SPAG6: variants seen among roughly 807,000 people sequenced by gnomAD.
The protein encoded by SPAG6 is sperm-associated antigen 6.
In SPAG6, 49 loss-of-function variants were observed where a neutral mutation model predicts 58.5. That is an observed-to-expected ratio of 0.84 (90% CI 0.67 to 1.06). SPAG6 has a LOEUF of 1.06. Among genes scored for constraint, SPAG6 ranks in the 50% least tolerant of loss-of-function variants. The pLI is 0.00. For missense variants in SPAG6, 560 were observed against 611.3 expected, an observed-to-expected ratio of 0.92 and a Z score of 0.89; for synonymous variants, 233 against 225.6, an observed-to-expected ratio of 1.03 and a Z score of -0.29.
At chr10:22,379,370 A>G (rs1833898843) in intron 4 of SPAG6, among the ~76,000 whole-genome samples, 1 of 152,220 alleles carries the variant, frequency 6.6e-6, no homozygotes, top group Non-Finnish European at 1.5e-5. Flanking sequence ...AATGCACTAT[A>G]GCAGAGGCAA....
Position 22,411,127 on chromosome 10 carries a change from C to G in SPAG6, c.1411C>G (p.Gln471Glu). The G allele has an allele frequency of 6.2e-7, 1 of 1,613,906 alleles. No homozygotes were observed. Among genetic ancestry groups the G allele is most frequent in the Non-Finnish European group, 8.5e-7 (1 of 1,179,862 alleles). The change falls in exon 10 of 11, where the codon CAA becomes GAA. Residue 471 changes from glutamine to glutamate, a missense_variant. Gln to Glu is a conservative substitution (Grantham distance 29). Transcript: ENST00000376624. The part of the protein sequence containing the change: ...EIKAEPGSLL[Q>E]EYINSINSCY... ...AAAAGCAGAACCTGGTTCTCTCCTT[C>G]AAGAATACATCAACAGTATTAACAG...
At chr10:22,402,130 T>C (rs1834428759) in intron 9 of SPAG6, among the ~76,000 whole-genome samples, 1 of 152,180 alleles carries the variant, frequency 6.6e-6, no homozygotes, top group African/African-American at 2.4e-5. Flanking sequence ...AGTACTTATT[T>C]CATAGGGTCA....
At chr10:22,407,372 T>G (rs1386593531) in intron 9 of SPAG6, among the ~76,000 whole-genome samples, 2,609 of 150,868 alleles carry the variant, frequency 0.017, 56 homozygotes, top group African/African-American at 0.06. Flanking sequence ...GTCTGTAAAG[T>G]ATTTTATTTC....
chr10:22,407,607 T>C (rs1834592722), intron 9 of SPAG6, among the ~76,000 whole-genome samples: 1 of 152,026 alleles, frequency 6.6e-6, no homozygotes, highest in African/African-American at 2.4e-5. Context: ...AATCTGACAA[T>C]TATGTGTCTT....
At chr10:22,413,360 C>G (rs1440133726) in intron 10 of SPAG6, among the ~76,000 whole-genome samples, 1 of 151,776 alleles carries the variant, frequency 6.6e-6, no homozygotes, top group East Asian at 1.9e-4. Flanking sequence ...GGTGAAACCC[C>G]GTCTCTACTA....
chr10:22,399,516 A>G (rs1266106161), intron 8 of SPAG6, among the ~76,000 whole-genome samples: 2 of 152,208 alleles, frequency 1.3e-5, no homozygotes, highest in African/African-American at 2.4e-5. Flanking sequence ...TGTCAAATAG[A>G]CATGCAAAGA....
At chr10:22,405,804 A>T (rs922076269) in intron 9 of SPAG6, among the ~76,000 whole-genome samples, 3 of 152,330 alleles carry the variant, frequency 2.0e-5, no homozygotes, top group Admixed American at 1.3e-4. Context: ...GATTATTGCC[A>T]CAATTTCAGA....
At chr10:22,395,745 A>T (rs549739881) in intron 8 of SPAG6, among the ~76,000 whole-genome samples, 2 of 152,206 alleles carry the variant, frequency 1.3e-5, no homozygotes, top group Admixed American at 1.3e-4. Context: ...TCAATTGCAT[A>T]TGCTTTTTGT....
chr10:22,374,805 CT>C (rs1179980250), intron 4 of SPAG6, among the ~76,000 whole-genome samples: 1 of 151,808 alleles, frequency 6.6e-6, no homozygotes, highest in South Asian at 2.1e-4. Context: ...TTTGAGTTAC[CT>C]TTTTTGTACA....
intron 9 of SPAG6, among the ~76,000 whole-genome samples, chr10:22,405,878 G>A (rs1233502167): frequency 6.6e-6 from 1 of 152,216 alleles, no homozygotes; most frequent in Admixed American, 6.5e-5. Flanking sequence ...GAGTGTATGT[G>A]TCGAGGAATT....
intron 4 of SPAG6, among the ~76,000 whole-genome samples, chr10:22,386,500 T>C (rs1226325329): frequency 1.3e-5 from 2 of 151,684 alleles, no homozygotes; most frequent in East Asian, 3.9e-4. Flanking sequence ...AAAAAAAGAA[T>C]AACAAGCCAT....
In SPAG6 at chr10:22,345,707, A is replaced by C; in HGVS notation, c.26-16A>C. Reference sequence around the variant, plus strand: ...GACCCGGGTGCGGTGGGCTCCACCGACTCTCTCTCCCGCAGTGTTCGAGCA... The same window carrying C: ...GACCCGGGTGCGGTGGGCTCCACCGCCTCTCTCTCCCGCAGTGTTCGAGCA... On this transcript the variant is annotated splice_polypyrimidine_tract_variant and intron_variant, in intron 1 of 10. Coordinates refer to ENST00000376624, the MANE Select transcript of SPAG6 (RefSeq NM_012443.4). This position sits in a 1 kb window ranked among gnomAD's most constrained non-coding sequence, Gnocchi z 6.3. The C allele has an allele frequency of 1.2e-6, 2 of 1,606,070 alleles. No individual in the cohort carries two copies. Among genetic ancestry groups the C allele is most frequent in the Non-Finnish European group, 1.7e-6 (2 of 1,176,672 alleles).
intron 2 of SPAG6, among the ~76,000 whole-genome samples, chr10:22,353,356 T>G (rs1371441476): frequency 6.6e-6 from 1 of 152,248 alleles, no homozygotes; most frequent in Non-Finnish European, 1.5e-5. Context: ...TAATTCAACA[T>G]TGGCAGCTCT....
chr10:22,406,604 T>C (rs1448110740), intron 9 of SPAG6, among the ~76,000 whole-genome samples: 2 of 152,086 alleles, frequency 1.3e-5, no homozygotes, highest in Non-Finnish European at 2.9e-5. Flanking sequence ...CTGAAAAAAA[T>C]GTATATTCTG....
At chr10:22,360,803 T>A (rs1321380721) in intron 2 of SPAG6, 1 of 1,534,258 alleles carries the variant, frequency 6.5e-7, no homozygotes, top group African/African-American at 1.4e-5. Context: ...CTGCTTTAAT[T>A]TGTGAACTCT....
chr10:22,367,108 A>G (rs1837222447), intron 3 of SPAG6, among the ~76,000 whole-genome samples: 1 of 151,982 alleles, frequency 6.6e-6, no homozygotes, highest in East Asian at 1.9e-4. Context: ...ATGAGATCAG[A>G]AAGTGTTAGT....
intron 9 of SPAG6, among the ~76,000 whole-genome samples, chr10:22,408,032 C>T (rs1350048420): frequency 7.2e-6 from 1 of 139,352 alleles, no homozygotes; most frequent in Non-Finnish European, 1.5e-5. Flanking sequence ...TCTAGTTATA[C>T]ATTCTTCTAA....
chr10:22,378,704 ATTTCC>A (rs1833881102), intron 4 of SPAG6, among the ~76,000 whole-genome samples: 2 of 151,806 alleles, frequency 1.3e-5, no homozygotes, highest in Admixed American at 1.3e-4. Flanking sequence ...ATGACTTCAA[ATTTCC>A]TCAGCCTATT....
intron 4 of SPAG6, among the ~76,000 whole-genome samples, chr10:22,377,281 G>A (rs948959831): frequency 3.9e-5 from 6 of 152,156 alleles, no homozygotes; most frequent in African/African-American, 2.4e-5. Flanking sequence ...GCCTTCAGGC[G>A]ACTGCCCCAG....
Sources: allele counts gnomAD v4.1 joint callset (sites outside exome capture counted in the v4.1 genomes callset), GRCh38; gene constraint gnomAD v4.1.1; non-coding constraint Gnocchi (gnomAD v3.1); transcripts MANE v1.5; gene names NCBI Gene and HGNC (gene_info 2026-07-23, HGNC 2026-07-21).